Variants in PTPRM observed in about 807,000 individuals in gnomAD.
The protein encoded by PTPRM is receptor-type tyrosine-protein phosphatase mu.
Under a neutral mutation model 186.7 loss-of-function variants are expected in PTPRM, and 47 were observed. The observed-to-expected ratio is 0.25, with a 90% CI of 0.20 to 0.32. The LOEUF is 0.32. Ranked by LOEUF, PTPRM falls within the 10% of genes least tolerant of loss-of-function variation. The pLI is 1.00. For synonymous variants in PTPRM, 668 were observed against 674.9 expected, an observed-to-expected ratio of 0.99 and a Z score of 0.16; for missense variants, 1,494 against 1,865.0, an observed-to-expected ratio of 0.80 and a Z score of 3.66.
intron 22 of PTPRM, among the ~76,000 whole-genome samples, chr18:8,320,207 G>A (rs1472769443): frequency 1.3e-5 from 2 of 152,168 alleles, no homozygotes; most frequent in Non-Finnish European, 2.9e-5. Flanking sequence ...TAGGCATGGG[G>A]GCAGGGTGTA....
intron 1 of PTPRM, among the ~76,000 whole-genome samples, chr18:7,607,587 A>G (rs955686086): frequency 2.0e-5 from 3 of 152,336 alleles, no homozygotes; most frequent in Admixed American, 1.3e-4. Flanking sequence ...TTTGTTAAAT[A>G]AATTAAGCAG....
chr18:8,289,533 T>TAC (rs1221160376), intron 19 of PTPRM, among the ~76,000 whole-genome samples: 4 of 96,948 alleles, frequency 4.1e-5, no homozygotes, highest in African/African-American at 2.0e-4. Context: ...TACATATATA[T>TAC]ACACATATAT....
At chr18:8,175,736 C>T (rs1475193035) in intron 14 of PTPRM, among the ~76,000 whole-genome samples, 1 of 152,160 alleles carries the variant, frequency 6.6e-6, no homozygotes, top group African/African-American at 2.4e-5. Context: ...TGTGCTGAGT[C>T]CAGTAGGCAT....
chr18:7,614,774 T>G (rs2037761029), intron 1 of PTPRM, among the ~76,000 whole-genome samples: 1 of 152,234 alleles, frequency 6.6e-6, no homozygotes, highest in Non-Finnish European at 1.5e-5. Flanking sequence ...GCTGTCAGTC[T>G]TGAGCACAGG....
chr18:7,771,660 A>C (rs2042274259), intron 1 of PTPRM, among the ~76,000 whole-genome samples: 1 of 152,230 alleles, frequency 6.6e-6, no homozygotes, highest in African/African-American at 2.4e-5. Context: ...TTTCACCATC[A>C]GATCTGGAGC....
At chr18:8,200,481 A>T (rs934694078) in intron 14 of PTPRM, among the ~76,000 whole-genome samples, 3 of 152,238 alleles carry the variant, frequency 2.0e-5, no homozygotes, top group African/African-American at 7.2e-5. Flanking sequence ...TGGCCCTGTG[A>T]GGCCTTTCCA....
chr18:7,604,704 T>C (rs1351868023), intron 1 of PTPRM, among the ~76,000 whole-genome samples: 5 of 152,216 alleles, frequency 3.3e-5, no homozygotes, highest in Non-Finnish European at 7.3e-5. Flanking sequence ...AGTAACTGTA[T>C]ACAGAAAGGG....
chr18:7,879,218 C>T (rs557436912), intron 2 of PTPRM, among the ~76,000 whole-genome samples: 1 of 152,296 alleles, frequency 6.6e-6, no homozygotes, highest in Non-Finnish European at 1.5e-5. Context: ...CTGCAGTGAG[C>T]CTCTTCCAAT....
At chr18:8,034,739 A>G (rs1301398534) in intron 7 of PTPRM, among the ~76,000 whole-genome samples, 1 of 152,174 alleles carries the variant, frequency 6.6e-6, no homozygotes, top group Non-Finnish European at 1.5e-5. Context: ...ACAATAGTAT[A>G]TATTTTCAGC....
chr18:8,280,238 G>T (rs980361862), intron 19 of PTPRM, among the ~76,000 whole-genome samples: 1 of 152,202 alleles, frequency 6.6e-6, no homozygotes, highest in East Asian at 1.9e-4. Context: ...GTCTCTGTGT[G>T]CCCTACTCAC....
At chr18:7,698,953 C>A (rs2039900118) in intron 1 of PTPRM, among the ~76,000 whole-genome samples, 1 of 152,098 alleles carries the variant, frequency 6.6e-6, no homozygotes, top group Admixed American at 6.5e-5. Flanking sequence ...CAGGGGTCCC[C>A]AACCCCTGGG....
rs752026124 is a variant in PTPRM, at chr18:8,379,387, G to C, written c.3786+47G>C. 5 of 1,532,754 alleles carry C rather than the reference G, an allele frequency of 3.3e-6. No individual in the cohort carries two copies. The East Asian group carries it at 1.2e-4, about 36-fold the overall frequency. The allele number at this position is 1,532,754 out of a possible 1,614,324, so 94.9% of individuals were successfully genotyped here. A position where few individuals can be genotyped will look rare whatever the true frequency, so the allele number is the denominator to read the frequency against. On this transcript the variant is annotated intron_variant, in intron 28 of 32. Transcript: ENST00000580170. ...CGGGTCCGAGGCTGGGGTGTTTGGG[G>C]AGACTGCAGAACAGGCTTGGGTCTT...
At chr18:8,064,619 C>T (rs974141235) in intron 7 of PTPRM, among the ~76,000 whole-genome samples, 25 of 152,122 alleles carry the variant, frequency 1.6e-4, no homozygotes, top group Non-Finnish European at 2.6e-4. Flanking sequence ...AGTTTGAATT[C>T]GTTCCATTAC....
Position 7,706,281 on chromosome 18 carries a change from G to A in PTPRM, c.74-67868G>A, listed in dbSNP as rs553499785. On this transcript the variant is annotated intron_variant, in intron 1 of 32. Transcript: ENST00000580170. ...GGGTCAGTTTTTAATTCCTTATTGA[G>A]ATTTTACAGTAGCTCAAAAGAGATG... Among the ~76,000 whole-genome samples the A allele has an allele frequency of 2.5e-3, 377 of 151,866 alleles. 1 individual carries two copies. The highest frequency in any genetic ancestry group is 7.7e-3 in the African/African-American group (318 of 41,460).
intron 19 of PTPRM, among the ~76,000 whole-genome samples, chr18:8,282,005 T>C (rs1352897347): frequency 6.6e-6 from 1 of 152,146 alleles, no homozygotes; most frequent in East Asian, 1.9e-4. Context: ...AAAGACAAGC[T>C]GAAGACTGGG....
At chr18:8,026,563 T>C (rs145458747) in intron 7 of PTPRM, among the ~76,000 whole-genome samples, 1 of 152,158 alleles carries the variant, frequency 6.6e-6, no homozygotes, top group East Asian at 1.9e-4. Context: ...TTTTCAAACA[T>C]TAATATGCTT....
At chr18:8,201,839 A>C (rs755061278) in intron 14 of PTPRM, among the ~76,000 whole-genome samples, 12 of 152,180 alleles carry the variant, frequency 7.9e-5, no homozygotes, top group Non-Finnish European at 1.3e-4. Flanking sequence ...TGAATTTTGG[A>C]GGGGCACAAT....
At chr18:8,398,843 T>G (rs1312524571) in intron 32 of PTPRM, among the ~76,000 whole-genome samples, 2 of 151,730 alleles carry the variant, frequency 1.3e-5, no homozygotes, top group African/African-American at 4.8e-5. Context: ...TGTGAAATGT[T>G]CAAAACAGAC....
chr18:7,738,663 G>A (rs2040824855), intron 1 of PTPRM, among the ~76,000 whole-genome samples: 1 of 150,360 alleles, frequency 6.7e-6, no homozygotes, highest in Non-Finnish European at 1.5e-5. Context: ...GGATGGTCTC[G>A]ATCTCCTGAC....
Sources: gnomAD v4.1 joint callset for allele counts (sites outside exome capture counted in the v4.1 genomes callset) on GRCh38, gnomAD v4.1.1 for gene constraint, MANE v1.5 for transcripts, NCBI Gene and HGNC (gene_info 2026-07-23, HGNC 2026-07-21) for gene names.